The following ACAD11 variants were observed in gnomAD, a reference collection of about 807,000 sequenced individuals.
The protein encoded by ACAD11 is acyl-Coenzyme A dehydrogenase family, member 11.
A neutral mutation model predicts 102.2 loss-of-function variants in ACAD11; 83 were observed. The ratio of observed to expected loss-of-function variants is 0.81; its 90% CI spans 0.68 to 0.97. The LOEUF (loss-of-function observed/expected upper bound fraction) is 0.97. ACAD11 is among the 50% of genes least tolerant of loss of function. ACAD11 has a pLI of 0.00. For missense variants in ACAD11, 901 were observed against 951.7 expected (o/e 0.95, Z 0.70); for synonymous variants, 324 against 319.8 (o/e 1.01, Z -0.14).
chr3:132,564,141 C>G (rs1274368923), intron 17 of ACAD11, among the ~76,000 whole-genome samples: 5 of 151,742 alleles, frequency 3.3e-5, no homozygotes, highest in Non-Finnish European at 5.9e-5. Context: ...TGGGATAAAC[C>G]CTACTTGATT....
chr3:132,595,654 C>G (rs191892517), intron 13 of ACAD11, among the ~76,000 whole-genome samples: 31 of 152,090 alleles, frequency 2.0e-4, no homozygotes, highest in Admixed American at 5.2e-4. Flanking sequence ...AGACAGTTCT[C>G]AAAAGAAGAC....
chr3:132,575,948 A>G (rs1937517728), intron 16 of ACAD11, 22 bp from the exon 17 acceptor site: 2 of 1,612,228 alleles, frequency 1.2e-6, no homozygotes, highest in African/African-American at 1.3e-5. Flanking sequence ...GGGGAAAAAA[A>G]GGGGGAATGT....
At position 132,618,740 on chromosome 3, in the gene ACAD11, C is replaced by T; in HGVS notation, c.1308G>A (p.Leu436=). 6.3e-7 allele frequency: 1 copy of T among 1,599,776 alleles called. No homozygotes were observed. The highest frequency in any genetic ancestry group is 8.5e-7 in the Non-Finnish European group (1 of 1,174,402). ...TGAGTCCGCTGACAGCTGGCAAAAACAAGTTCCAGAGACCCTCGACTTTGG... is the reference window on the plus strand; with the variant it reads ...TGAGTCCGCTGACAGCTGGCAAAAATAAGTTCCAGAGACCCTCGACTTTGG... ...EMAKVEGLWN[L]FLPAVSGLSH... Residue 436 remains leucine (L), a synonymous_variant, in exon 11 of 20, where the codon TTG becomes TTA. Coordinates refer to ENST00000264990, the MANE Select transcript of ACAD11 (RefSeq NM_032169.5).
In ACAD11 at chr3:132,659,462, G is replaced by A; in HGVS notation, c.149+141C>T. 4.1e-6 allele frequency: 5 copies of A among 1,217,064 alleles called. 1 individual carries two copies. The South Asian group carries it at 6.0e-5, about 15-fold the overall frequency. The allele number at this position is 1,217,064 out of a possible 1,614,324, so 75.4% of individuals were successfully genotyped here. ...CGAATTCGGAGGGCCGGCAATAGCA[G>A]CTCATGCCTGTAGGGTGCGTCCACT... On this transcript the variant is annotated intron_variant, in intron 1 of 19. Transcript: ENST00000264990.
chr3:132,607,284 G>A (rs565894031), intron 11 of ACAD11, among the ~76,000 whole-genome samples: 25 of 152,324 alleles, frequency 1.6e-4, no homozygotes, highest in Non-Finnish European at 1.5e-4. Flanking sequence ...TTGACGAATT[G>A]ACAGAAGTAG....
intron 9 of ACAD11, among the ~76,000 whole-genome samples, chr3:132,620,933 T>C (rs374153986): frequency 1.3e-5 from 2 of 152,168 alleles, no homozygotes; most frequent in African/African-American, 2.4e-5. Flanking sequence ...AAAAATAGAT[T>C]AGATAACAGC....
intron 17 of ACAD11, among the ~76,000 whole-genome samples, chr3:132,565,283 G>A (rs1412216547): frequency 6.6e-6 from 1 of 152,136 alleles, no homozygotes; most frequent in Non-Finnish European, 1.5e-5. Flanking sequence ...CCACTGGCCA[G>A]TAATAAGTCC....
intron 9 of ACAD11, among the ~76,000 whole-genome samples, chr3:132,621,685 T>C (rs1306675890): frequency 1.3e-5 from 2 of 152,106 alleles, no homozygotes; most frequent in African/African-American, 4.8e-5. Context: ...GTAGGTAAAC[T>C]TAAAATTTGA....
At chr3:132,597,647 GAC>G (rs778000523) in intron 13 of ACAD11, among the ~76,000 whole-genome samples, 97 of 151,502 alleles carry the variant, frequency 6.4e-4, no homozygotes, top group Middle Eastern at 3.4e-3. Context: ...TAATTATAAA[GAC>G]ACTTAAAAGC....
chr3:132,637,820 A>G (rs1400316433), intron 5 of ACAD11, among the ~76,000 whole-genome samples: 1 of 152,162 alleles, frequency 6.6e-6, no homozygotes, highest in African/African-American at 2.4e-5. Flanking sequence ...TACTCCACAC[A>G]TTCCTGGAAG....
intron 13 of ACAD11, among the ~76,000 whole-genome samples, chr3:132,597,531 A>G (rs1037993313): frequency 3.9e-5 from 6 of 152,198 alleles, no homozygotes; most frequent in African/African-American, 1.4e-4. Context: ...ACGATTTTAA[A>G]TGCCATTACT....
chr3:132,653,713 C>G (rs1337907720), intron 1 of ACAD11, among the ~76,000 whole-genome samples: 1 of 152,174 alleles, frequency 6.6e-6, no homozygotes, highest in African/African-American at 2.4e-5. Context: ...TCCATTAATA[C>G]TACTTTTTCA....
chr3:132,641,626 A>G (rs199988038), intron 4 of ACAD11, among the ~76,000 whole-genome samples: 354 of 138,992 alleles, frequency 2.5e-3, no homozygotes, highest in South Asian at 7.2e-3. Flanking sequence ...AGGAGGAAGA[A>G]GAGGAGGAAG....
intron 13 of ACAD11, among the ~76,000 whole-genome samples, chr3:132,595,057 T>C (rs1284999940): frequency 2.0e-5 from 3 of 152,194 alleles, no homozygotes; most frequent in African/African-American, 7.2e-5. Context: ...ATAAATGATA[T>C]GGTGCATTAG....
intron 9 of ACAD11, among the ~76,000 whole-genome samples, chr3:132,625,344 T>C (rs908626151): frequency 4.6e-5 from 7 of 152,320 alleles, no homozygotes; most frequent in Non-Finnish European, 1.0e-4. Flanking sequence ...TTCAAGCTTA[T>C]ACCAATTTAT....
intron 1 of ACAD11, among the ~76,000 whole-genome samples, chr3:132,650,977 G>C (rs1162039502): frequency 6.6e-6 from 1 of 152,158 alleles, no homozygotes; most frequent in African/African-American, 2.4e-5. Flanking sequence ...GGAACTCACA[G>C]TCTTTCACAA....
intron 17 of ACAD11, among the ~76,000 whole-genome samples, chr3:132,568,975 G>C (rs955343925): frequency 6.6e-6 from 1 of 152,026 alleles, no homozygotes; most frequent in East Asian, 1.9e-4. Flanking sequence ...CCAAAAGCAT[G>C]ACCCACATAA....
chr3:132,580,278 G>A lies in ACAD11; in HGVS notation c.1622-720C>T, dbSNP rs563078949. On this transcript the variant is annotated intron_variant, in intron 13 of 19. Coordinates refer to ENST00000264990, the MANE Select transcript of ACAD11 (RefSeq NM_032169.5). Reference sequence around the variant, plus strand: ...ATAAAGATTTAATGAGAAATGTTAGGAATGATGTCAAATAGTTGAATAATA... The same window carrying A: ...ATAAAGATTTAATGAGAAATGTTAGAAATGATGTCAAATAGTTGAATAATA... Among the ~76,000 whole-genome samples, 36 of 152,138 alleles carry A rather than the reference G, an allele frequency of 2.4e-4. No homozygotes were observed. The South Asian group carries it at 7.3e-3, about 31-fold the overall frequency.
chr3:132,563,282 C>G (rs1937116479), intron 17 of ACAD11, among the ~76,000 whole-genome samples: 1 of 152,070 alleles, frequency 6.6e-6, no homozygotes, highest in Non-Finnish European at 1.5e-5. Context: ...GTTTTGGCTA[C>G]TTTAGTGTTT....
Sources: gnomAD v4.1 joint callset for allele counts (sites outside exome capture counted in the v4.1 genomes callset) on GRCh38, gnomAD v4.1.1 for gene constraint, MANE v1.5 for transcripts, NCBI Gene and HGNC (gene_info 2026-07-23, HGNC 2026-07-21) for gene names.